PDE1C: variants seen among roughly 807,000 people sequenced by gnomAD.
The protein encoded by PDE1C is phosphodiesterase 1C.
A neutral mutation model predicts 93.1 loss-of-function variants in PDE1C; 62 were observed. The observed-to-expected ratio is 0.67, with a 90% confidence interval of 0.54 to 0.82. PDE1C has a LOEUF of 0.82. PDE1C is among the 40% of genes least tolerant of loss of function. The pLI, the probability that PDE1C is intolerant of heterozygous loss-of-function variation, is 0.00. For synonymous variants in PDE1C, 325 were observed against 310.1 expected (o/e 1.05, Z -0.50); for missense variants, 742 against 884.6 (o/e 0.84, Z 2.04).
chr7:31,878,867 T>A, intron 4 of PDE1C, 129 bp downstream of exon 4: 1 of 855,698 alleles, frequency 1.2e-6, no homozygotes, highest in Non-Finnish European at 1.8e-6. Context: ...TTCAAGACTA[T>A]CTGTTTCTAC....
At chr7:32,133,106 C>T (rs1209278600) in intron 3 of PDE1C, among the ~76,000 whole-genome samples, 3 of 152,014 alleles carry the variant, frequency 2.0e-5, no homozygotes, top group African/African-American at 4.8e-5. Flanking sequence ...GAGTCCAGAA[C>T]TGAAAAGCTA....
At chr7:31,670,330 G>C in the PDE1C span, among the ~76,000 whole-genome samples, 1 of 152,144 alleles carries the variant, frequency 6.6e-6, no homozygotes, top group Non-Finnish European at 1.5e-5. Context: ...TGGGATTTTA[G>C]ACTTTCAAAT....
chr7:31,763,573 T>A lies in PDE1C; in HGVS notation c.1961-10020A>T, dbSNP rs998098828. On this transcript the variant is annotated intron_variant, in intron 17 of 17. Coordinates refer to ENST00000396191, the MANE Select transcript of PDE1C (RefSeq NM_001191057.4). The stretch of plus-strand genomic sequence containing the variant: ...GGTTTGGTTTTCTTTCTTCCTTTTT[T>A]AAAATGAGAATAGTAACTGCCTTCC... 4.6e-5 allele frequency among the ~76,000 whole-genome samples: 7 copies of A among 152,338 alleles called. No individual in the cohort carries two copies. The South Asian group carries it at 8.3e-4, about 18-fold the overall frequency.
chr7:32,078,130 C>T (rs953203417), intron 3 of PDE1C: 9 of 620,610 alleles, frequency 1.5e-5, no homozygotes, highest in Non-Finnish European at 1.6e-5. Context: ...GTACATAAAT[C>T]AGCGGGTTGT....
chr7:31,978,338 G>A (rs1025246394), intron 2 of PDE1C, among the ~76,000 whole-genome samples: 1 of 152,150 alleles, frequency 6.6e-6, no homozygotes, highest in African/African-American at 2.4e-5. Context: ...CATTTTAGAA[G>A]ACTCTTAAAT....
rs1442462492 is a variant in PDE1C, at chr7:32,246,392, G to A, written c.86-36853C>T. 2.6e-5 allele frequency among the ~76,000 whole-genome samples: 4 copies of A among 152,102 alleles called. No individual in the cohort carries two copies. The East Asian group carries it at 5.8e-4, about 22-fold the overall frequency. On this transcript the variant is annotated intron_variant, in intron 1 of 18. Coordinates refer to the PDE1C transcript ENST00000396193. Reference sequence around the variant, plus strand: ...AGGCAGGTAGGAGGCAGTAGCAGGGGGCAGATGTGTATTCTCCTACCCCCA... The same window carrying A: ...AGGCAGGTAGGAGGCAGTAGCAGGGAGCAGATGTGTATTCTCCTACCCCCA...
chr7:32,047,877 G>A (rs1160003184), intron 2 of PDE1C, among the ~76,000 whole-genome samples: 1 of 152,106 alleles, frequency 6.6e-6, no homozygotes, highest in African/African-American at 2.4e-5. Flanking sequence ...ATATCACTTA[G>A]TTTTCCTATA....
chr7:32,232,598 C>T (rs1053280887), intron 1 of PDE1C, among the ~76,000 whole-genome samples: 2 of 152,082 alleles, frequency 1.3e-5, no homozygotes, highest in Non-Finnish European at 2.9e-5. Context: ...CCTCAGGGAC[C>T]CAAAACACAT....
rs376470730 is a variant in PDE1C, at chr7:31,963,806, G to A, written c.129-82946C>T. Among the ~76,000 whole-genome samples the A allele has an allele frequency of 1.3e-3, 201 of 152,268 alleles. 1 individual carries two copies. Among genetic ancestry groups the A allele is most frequent in the African/African-American group, 4.5e-3 (187 of 41,554 alleles). On this transcript the variant is annotated intron_variant, in intron 2 of 17. Coordinates refer to ENST00000396191, the MANE Select transcript of PDE1C (RefSeq NM_001191057.4). ...CTGGCATTGAATTAGGCTAGAGAGGGTTATGAAAGAATTTTATAACCACTG... is the reference window on the plus strand; with the variant it reads ...CTGGCATTGAATTAGGCTAGAGAGGATTATGAAAGAATTTTATAACCACTG...
At chr7:31,900,677 A>G (rs1232189559) in intron 2 of PDE1C, among the ~76,000 whole-genome samples, 5 of 152,038 alleles carry the variant, frequency 3.3e-5, no homozygotes, top group African/African-American at 1.2e-4. Flanking sequence ...ATATATTCAT[A>G]TATTGCAGCT....
chr7:31,717,026 T>C, the PDE1C span, among the ~76,000 whole-genome samples: 3 of 152,180 alleles, frequency 2.0e-5, no homozygotes, highest in East Asian at 1.9e-4. Context: ...GCATAAAATA[T>C]TGGAAGCTGA....
chr7:32,203,062 G>A (rs1396518578), intron 2 of PDE1C, among the ~76,000 whole-genome samples: 1 of 151,594 alleles, frequency 6.6e-6, no homozygotes, highest in Non-Finnish European at 1.5e-5. Flanking sequence ...TGACTATTTT[G>A]CTTGCCATAG....
At chr7:31,645,191 G>A in the PDE1C span, among the ~76,000 whole-genome samples, 3 of 152,200 alleles carry the variant, frequency 2.0e-5, no homozygotes, top group South Asian at 2.1e-4. Flanking sequence ...AGAAGTGTCC[G>A]ACTTTAAAAT....
intron 2 of PDE1C, among the ~76,000 whole-genome samples, chr7:31,974,656 G>A (rs1315347415): frequency 6.6e-6 from 1 of 152,146 alleles, no homozygotes; most frequent in Non-Finnish European, 1.5e-5. Flanking sequence ...GGCTAGCCAA[G>A]CCTCTGGCCT....
At position 31,792,641 on chromosome 7, in the gene PDE1C, G is replaced by T. The variant is rs988543109; in HGVS notation, c.1891+16390C>A. 5.3e-5 allele frequency among the ~76,000 whole-genome samples: 8 copies of T among 152,018 alleles called. No homozygotes were observed. In the South Asian group the frequency reaches 6.2e-4, roughly 12 times the overall value. On this transcript the variant is annotated intron_variant, in intron 16 of 17. Transcript: ENST00000396191. Reference sequence around the variant, plus strand: ...CTGCTATCCAGGCAGCTTTGGCATGGTTTGCAAATCAGGCCTGGTCCTCTT... The same window carrying T: ...CTGCTATCCAGGCAGCTTTGGCATGTTTTGCAAATCAGGCCTGGTCCTCTT...
intron 16 of PDE1C, among the ~76,000 whole-genome samples, chr7:31,779,884 C>T (rs12670729): frequency 6.6e-6 from 1 of 151,850 alleles, no homozygotes; most frequent in Non-Finnish European, 1.5e-5. Context: ...CGCACTTCAC[C>T]CTTCCGTTGC....
intron 1 of PDE1C, among the ~76,000 whole-genome samples, chr7:32,056,947 C>T (rs144188412): frequency 5.9e-5 from 9 of 152,268 alleles, no homozygotes; most frequent in African/African-American, 1.7e-4. Context: ...TTTTCCCATG[C>T]ATAAGGGGCC....
chr7:31,715,532 T>C, the PDE1C span, among the ~76,000 whole-genome samples: 1 of 152,238 alleles, frequency 6.6e-6, no homozygotes. Flanking sequence ...AGCCACGGCA[T>C]CCAGCCTGTA....
At chr7:31,955,113 G>T (rs1205390624) in intron 2 of PDE1C, among the ~76,000 whole-genome samples, 3 of 152,170 alleles carry the variant, frequency 2.0e-5, no homozygotes, top group African/African-American at 7.2e-5. Context: ...AATAATTCCA[G>T]TACTACAGAT....
Sources: gnomAD v4.1 joint callset for allele counts (sites outside exome capture counted in the v4.1 genomes callset) on GRCh38, gnomAD v4.1.1 for gene constraint, MANE v1.5 for transcripts, NCBI Gene and HGNC (gene_info 2026-07-23, HGNC 2026-07-21) for gene names.